MED12L: variants seen among roughly 807,000 people sequenced by gnomAD.
The protein encoded by MED12L is mediator complex subunit 12L.
A neutral mutation model predicts 281.3 loss-of-function variants in MED12L; 60 were observed. That is an observed-to-expected ratio of 0.21 (90% CI 0.17 to 0.26). The LOEUF (loss-of-function observed/expected upper bound fraction) is 0.26, where lower values mean the gene tolerates loss of function less well. Among genes scored for constraint, MED12L ranks in the 10% least tolerant of loss-of-function variants. MED12L has a pLI of 1.00. For synonymous variants in MED12L, 974 were observed against 987.2 expected, an observed-to-expected ratio of 0.99 and a Z score of 0.25; for missense variants, 2,146 against 2,680.9, an observed-to-expected ratio of 0.80 and a Z score of 4.41.
intron 16 of MED12L, among the ~76,000 whole-genome samples, chr3:151,284,957 C>T (rs914845438): frequency 1.3e-5 from 2 of 152,080 alleles, no homozygotes; most frequent in African/African-American, 4.8e-5. Flanking sequence ...AACAGCTGTG[C>T]TGGTTACCCT....
At chr3:151,144,357 A>G (rs1717474339) in intron 5 of MED12L, among the ~76,000 whole-genome samples, 1 of 152,216 alleles carries the variant, frequency 6.6e-6, no homozygotes, top group Admixed American at 6.5e-5. Flanking sequence ...GGAGAATCCA[A>G]GAAAGGTGTC....
chr3:151,223,303 A>G (rs1178044814), intron 16 of MED12L, among the ~76,000 whole-genome samples: 1 of 152,120 alleles, frequency 6.6e-6, no homozygotes, highest in Admixed American at 6.6e-5. Context: ...AGAACTAAAC[A>G]TAAAATTACC....
intron 2 of MED12L, among the ~76,000 whole-genome samples, chr3:151,104,585 A>G (rs1721778717): frequency 6.6e-6 from 1 of 152,174 alleles, no homozygotes; most frequent in African/African-American, 2.4e-5. Flanking sequence ...TCCTGGTTTT[A>G]GGGGGCAGTC....
chr3:151,423,891 G>A (rs984876448), intron 43 of MED12L, among the ~76,000 whole-genome samples: 1 of 152,112 alleles, frequency 6.6e-6, no homozygotes, highest in African/African-American at 2.4e-5. Context: ...TTTTTACATC[G>A]ACTGATCCTT....
chr3:151,091,085 G>A (rs1466044794), intron 2 of MED12L, among the ~76,000 whole-genome samples: 2 of 152,054 alleles, frequency 1.3e-5, no homozygotes, highest in East Asian at 3.9e-4. Context: ...CAGAAAAAGA[G>A]GCCGAAACAT....
chr3:151,372,461 A>G, intron 26 of MED12L, 106 bp from the exon 27 acceptor site: 1 of 770,274 alleles, frequency 1.3e-6, no homozygotes, highest in Non-Finnish European at 2.2e-6. Flanking sequence ...CAATAATAAT[A>G]CTGTTCATAT....
At chr3:151,205,875 A>C (rs1357202961) in intron 16 of MED12L, among the ~76,000 whole-genome samples, 6 of 152,064 alleles carry the variant, frequency 3.9e-5, no homozygotes, top group Admixed American at 2.6e-4. Flanking sequence ...TGGGTGGTAG[A>C]ACAGTGTACC....
chr3:151,325,159 T>C (rs1400666264), intron 16 of MED12L, among the ~76,000 whole-genome samples: 1 of 152,218 alleles, frequency 6.6e-6, no homozygotes, highest in Non-Finnish European at 1.5e-5. Flanking sequence ...TATGACATAA[T>C]GACTTTATCT....
intron 19 of MED12L, 97 bp from the exon 20 acceptor site, chr3:151,357,116 G>C (rs1163157462): frequency 1.4e-5 from 14 of 993,200 alleles, no homozygotes; most frequent in Non-Finnish European, 2.9e-6. Flanking sequence ...TGTATTTGTA[G>C]TGTAATGACT....
rs777028773 is a variant in MED12L, at chr3:151,328,032, C to G, written c.2251-22027C>G. 5.0e-6 allele frequency: 8 copies of G among 1,594,214 alleles called. 1 individual carries two copies. The South Asian group carries it at 9.1e-5, about 18-fold the overall frequency. ...TTGTCTGTCTGACTGCTATGATTTT[C>G]TTGGCTTGATGCTGTGGTCTTTCTC... On this transcript the variant is annotated intron_variant, in intron 16 of 44. Coordinates refer to ENST00000687756, the MANE Select transcript of MED12L (RefSeq NM_001393769.1).
intron 11 of MED12L, among the ~76,000 whole-genome samples, chr3:151,183,242 T>C (rs16863223): frequency 0.074 from 11,254 of 152,238 alleles, 950 homozygotes; most frequent in East Asian, 0.2. Flanking sequence ...TTCAAGACCA[T>C]GCCTCTCGTA....
At chr3:151,124,438 C>G (rs1459044544) in intron 4 of MED12L, among the ~76,000 whole-genome samples, 1 of 152,182 alleles carries the variant, frequency 6.6e-6, no homozygotes, top group African/African-American at 2.4e-5. Flanking sequence ...TTGAATTATT[C>G]ATTTCTTGAG....
At chr3:151,177,634 T>TAA (rs1722213241) in intron 11 of MED12L, among the ~76,000 whole-genome samples, 1 of 151,872 alleles carries the variant, frequency 6.6e-6, no homozygotes, top group Admixed American at 6.6e-5. Context: ...GGACTACAGA[T>TAA]GTACACTACC....
At chr3:151,268,488 C>T (rs1227520657) in intron 16 of MED12L, among the ~76,000 whole-genome samples, 1 of 152,168 alleles carries the variant, frequency 6.6e-6, no homozygotes, top group Non-Finnish European at 1.5e-5. Flanking sequence ...ATGTCCTAGG[C>T]AGAACCATAA....
At chr3:151,287,554 A>C (rs558279092) in intron 16 of MED12L, among the ~76,000 whole-genome samples, 1 of 152,314 alleles carries the variant, frequency 6.6e-6, no homozygotes, top group African/African-American at 2.4e-5. Context: ...GGAGACAGAA[A>C]GTATTGCAGT....
chr3:151,164,100 C>T (rs1576865281), intron 9 of MED12L, 58 bp downstream of exon 9: 4 of 1,571,384 alleles, frequency 2.5e-6, no homozygotes, highest in African/African-American at 1.3e-5. Context: ...GGCATCAGGG[C>T]ACAGTGGGTC....
intron 16 of MED12L, chr3:151,261,266 A>T (rs762237837): frequency 3.9e-5 from 6 of 152,140 alleles, no homozygotes; most frequent in Non-Finnish European, 8.8e-5. Flanking sequence ...CAAAAGGCAG[A>T]GGTGGAGATA....
At chr3:151,123,468 A>T (rs541685494) in intron 4 of MED12L, among the ~76,000 whole-genome samples, 1 of 152,314 alleles carries the variant, frequency 6.6e-6, no homozygotes, top group Non-Finnish European at 1.5e-5. Flanking sequence ...AGGTTTATTC[A>T]TAGCTTCTAG....
At chr3:151,312,100 G>A (rs919562957) in intron 16 of MED12L, among the ~76,000 whole-genome samples, 4 of 152,232 alleles carry the variant, frequency 2.6e-5, no homozygotes, top group South Asian at 2.1e-4. Flanking sequence ...TCTTGGAGCC[G>A]GTTTATCTAA....
Sources: allele counts gnomAD v4.1 joint callset (sites outside exome capture counted in the v4.1 genomes callset), GRCh38; gene constraint gnomAD v4.1.1; transcripts MANE v1.5; gene names NCBI Gene and HGNC (gene_info 2026-07-23, HGNC 2026-07-21).